The following DLGAP2 variants were observed in gnomAD, a reference collection of about 807,000 sequenced individuals.
The protein encoded by DLGAP2 is DLG associated protein 2, also known as disks large-associated protein 2.
DLGAP2 carries 26 observed loss-of-function variants against 100.3 expected under a neutral mutation model. That is an observed-to-expected ratio of 0.26 (90% CI 0.19 to 0.36). The LOEUF is 0.36. DLGAP2 is among the 10% of genes least tolerant of loss of function. The pLI, the probability that DLGAP2 is intolerant of heterozygous loss-of-function variation, is 1.00. For missense variants in DLGAP2, 1,858 were observed against 1,453.2 expected (o/e 1.28, Z -4.53); for synonymous variants, 886 against 630.1 (o/e 1.41, Z -6.08).
At chr8:1,681,160 G>A (rs982164282) in intron 12 of DLGAP2, among the ~76,000 whole-genome samples, 4 of 152,094 alleles carry the variant, frequency 2.6e-5, no homozygotes, top group South Asian at 4.1e-4. Context: ...TATCCCATTC[G>A]GGACACATTC....
chr8:925,243 C>T (rs962948905), intron 2 of DLGAP2, among the ~76,000 whole-genome samples: 9 of 152,000 alleles, frequency 5.9e-5, no homozygotes, highest in African/African-American at 7.3e-5. Flanking sequence ...GTAGCTGGGA[C>T]GACAGGTGCA....
intron 6 of DLGAP2, among the ~76,000 whole-genome samples, chr8:1,597,575 G>A (rs1035774505): frequency 5.3e-5 from 8 of 152,146 alleles, no homozygotes; most frequent in Admixed American, 5.2e-4. Context: ...CCTTGAAGAG[G>A]TCCTTCACAT....
intron 4 of DLGAP2, among the ~76,000 whole-genome samples, chr8:1,509,487 A>C (rs756495747): frequency 1.3e-5 from 2 of 152,020 alleles, no homozygotes; most frequent in African/African-American, 4.8e-5. Context: ...ATAATCCAAA[A>C]AGTTTGAAAG....
At chr8:1,197,765 G>C (rs939189074) in intron 2 of DLGAP2, among the ~76,000 whole-genome samples, 3 of 152,218 alleles carry the variant, frequency 2.0e-5, no homozygotes, top group Non-Finnish European at 4.4e-5. Context: ...TTGAGGGTCT[G>C]GGCCACCAGA....
chr8:1,637,358 TCTC>T (rs1797790938), intron 8 of DLGAP2, among the ~76,000 whole-genome samples: 3 of 152,094 alleles, frequency 2.0e-5, no homozygotes, highest in Non-Finnish European at 2.9e-5. Flanking sequence ...AAACACGTCT[TCTC>T]CTTGGATCTG....
chr8:1,577,520 A>G (rs888319998), intron 6 of DLGAP2, among the ~76,000 whole-genome samples: 5 of 145,322 alleles, frequency 3.4e-5, no homozygotes, highest in Non-Finnish European at 7.4e-5. Context: ...GTGAGCCAAG[A>G]TCGTGCCATT....
rs534351509 is a variant in DLGAP2, at chr8:1,665,028, A to G, written c.1811-3301A>G. On this transcript the variant is annotated intron_variant, in intron 8 of 14. Coordinates refer to ENST00000637795, the MANE Select transcript of DLGAP2 (RefSeq NM_001346810.2). ...TTTTAAAAGTGTGGCATGCAACTAC[A>G]TTTTTACAAAGAAATCAGTTTAAAA... 5.8e-4 allele frequency among the ~76,000 whole-genome samples: 89 copies of G among 152,318 alleles called. 1 individual carries two copies. Among genetic ancestry groups the G allele is most frequent in the African/African-American group, 1.9e-3 (81 of 41,558 alleles).
chr8:1,226,746 G>T (rs891532973), intron 2 of DLGAP2, among the ~76,000 whole-genome samples: 4 of 152,026 alleles, frequency 2.6e-5, no homozygotes, highest in African/African-American at 9.7e-5. Context: ...TCACACAACT[G>T]TTGAACGTTT....
At chr8:1,286,393 A>G (rs17063739) in intron 3 of DLGAP2, among the ~76,000 whole-genome samples, 28,498 of 152,224 alleles carry the variant, frequency 0.19, 2,995 homozygotes, top group African/African-American at 0.27. Flanking sequence ...TACAATGTAT[A>G]TAGAAATCGA....
At chr8:894,861 T>G (rs894999119) in intron 1 of DLGAP2, among the ~76,000 whole-genome samples, 9 of 104,392 alleles carry the variant, frequency 8.6e-5, no homozygotes, top group Admixed American at 2.3e-4. Flanking sequence ...AGGGGCGGGG[T>G]GGGGAGAGCG....
intron 2 of DLGAP2, among the ~76,000 whole-genome samples, chr8:1,115,444 T>G (rs764865505): frequency 6.6e-6 from 1 of 152,242 alleles, no homozygotes; most frequent in Non-Finnish European, 1.5e-5. Flanking sequence ...GCATGTTTCT[T>G]AACCACGGGG....
intron 2 of DLGAP2, 112 bp downstream of exon 2, chr8:908,078 G>A (rs1309604787): frequency 5.1e-6 from 2 of 394,596 alleles, no homozygotes; most frequent in Non-Finnish European, 8.9e-6. Flanking sequence ...TTTGTGGGTT[G>A]TTTTTAGTGC....
intron 8 of DLGAP2, among the ~76,000 whole-genome samples, chr8:1,659,560 C>A (rs535530407): frequency 6.6e-6 from 1 of 152,126 alleles, no homozygotes; most frequent in Non-Finnish European, 1.5e-5. Flanking sequence ...GGATAGTTAG[C>A]TCTTCTTGTT....
In DLGAP2 at chr8:1,548,870, C is replaced by G; in HGVS notation, c.417C>G (p.Ser139Arg). 4 of 1,592,184 alleles carry G rather than the reference C, an allele frequency of 2.5e-6. No individual in the cohort carries two copies. The highest frequency in any genetic ancestry group is 2.6e-6 in the Non-Finnish European group (3 of 1,175,302). The change falls in exon 5 of 15, where the codon AGC (serine) becomes AGG (arginine). Residue 139 changes from serine to arginine, a missense_variant. By Grantham distance (110) the Ser-to-Arg change is moderately radical. Transcript: ENST00000637795. ...GGCGCCACCGCTGCTCGCCGCGCAGCTCGGTGCACTCGGAGTGCGTGATGA... is the reference window on the plus strand; with the variant it reads ...GGCGCCACCGCTGCTCGCCGCGCAGGTCGGTGCACTCGGAGTGCGTGATGA... ...PGGRHRCSPR[S>R]SVHSECVMMP...
intron 3 of DLGAP2, among the ~76,000 whole-genome samples, chr8:1,323,214 G>A (rs1800946700): frequency 6.6e-6 from 1 of 151,950 alleles, no homozygotes; most frequent in Admixed American, 6.6e-5. Flanking sequence ...TATTTTACTG[G>A]AGACAGGGTT....
At chr8:1,321,909 C>G (rs1212798263) in intron 3 of DLGAP2, among the ~76,000 whole-genome samples, 1 of 152,188 alleles carries the variant, frequency 6.6e-6, no homozygotes, top group Non-Finnish European at 1.5e-5. Context: ...GCTTACAGAG[C>G]AACCAAACAA....
chr8:1,295,575 A>C (rs570244124), intron 3 of DLGAP2, among the ~76,000 whole-genome samples: 3 of 152,344 alleles, frequency 2.0e-5, no homozygotes, highest in African/African-American at 7.2e-5. Flanking sequence ...CCGCTCCTGG[A>C]AACAGCTCTC....
In DLGAP2 at chr8:1,120,314, G is replaced by A. The variant is rs183388550; in HGVS notation, c.74-138537G>A. Among the ~76,000 whole-genome samples the A allele has an allele frequency of 1.5e-3, 229 of 152,226 alleles. 1 individual carries two copies. Among genetic ancestry groups the A allele is most frequent in the African/African-American group, 5.2e-3 (217 of 41,530 alleles). ...CAAATCACACTCATTAGGCATCTTC[G>A]TTCCAGCCAACATGCGTCCGAATGA... On this transcript the variant is annotated intron_variant, in intron 2 of 14. Coordinates refer to ENST00000637795, the MANE Select transcript of DLGAP2 (RefSeq NM_001346810.2).
At chr8:1,247,248 A>G (rs1585188063) in intron 2 of DLGAP2, 1 of 150,474 alleles carries the variant, frequency 6.6e-6, no homozygotes, top group East Asian at 2.0e-4. Flanking sequence ...GGCCGGGAAG[A>G]CCTTTGAGAT....
Sources: gnomAD v4.1 joint callset for allele counts (sites outside exome capture counted in the v4.1 genomes callset) on GRCh38, gnomAD v4.1.1 for gene constraint, MANE v1.5 for transcripts, NCBI Gene and HGNC (gene_info 2026-07-23, HGNC 2026-07-21) for gene names.